Variants in SGSM2 observed in about 807,000 individuals in gnomAD.
SGSM2 encodes the protein small G protein signaling modulator 2, also known as RUN and TBC1 domain containing 1.
In SGSM2, 89 loss-of-function variants were observed where a neutral mutation model predicts 126.6. The ratio of observed to expected loss-of-function variants is 0.70; its 90% confidence interval spans 0.59 to 0.84. The LOEUF (loss-of-function observed/expected upper bound fraction) is 0.84, where lower values mean the gene tolerates loss of function less well. Ranked by LOEUF, SGSM2 falls within the 40% of genes least tolerant of loss-of-function variation. SGSM2 has a pLI of 0.00. For synonymous variants in SGSM2, 614 were observed against 574.3 expected, an observed-to-expected ratio of 1.07 and a Z score of -0.99; for missense variants, 1,404 against 1,416.6, an observed-to-expected ratio of 0.99 and a Z score of 0.14.
chr17:2,380,052 C>A lies in SGSM2; in HGVS notation c.*532C>A, dbSNP rs1176680094. 1.4e-6 allele frequency: 2 copies of A among 1,398,888 alleles called. No individual in the cohort carries two copies. The highest frequency in any genetic ancestry group is 3.0e-5 in the African/African-American group (2 of 67,392). The allele number at this position is 1,398,888 out of a possible 1,614,324, so 86.7% of individuals were successfully genotyped here. ...ACGTCACGGGTGCGGGAGACCCGGG[C>A]ACGGGAGACCCGGGCCGCCTTCAGG... On this transcript the variant is annotated 3_prime_UTR_variant, in exon 24 of 24. Transcript: ENST00000268989.
intron 2 of SGSM2, among the ~76,000 whole-genome samples, chr17:2,352,547 ACT>A (rs1036889559): frequency 3.9e-5 from 6 of 152,020 alleles, no homozygotes; most frequent in African/African-American, 1.4e-4. Flanking sequence ...AGTTGTGCTA[ACT>A]CTGTCCCTGT....
intron 2 of SGSM2, among the ~76,000 whole-genome samples, chr17:2,351,239 C>T (rs573144759): frequency 8.0e-5 from 12 of 150,508 alleles, no homozygotes; most frequent in African/African-American, 2.9e-4. Context: ...GGCAATAGAT[C>T]GAGACTCAGT....
At position 2,365,248 on chromosome 17, in the gene SGSM2, A is replaced by C; in HGVS notation, c.1195A>C (p.Ser399Arg). The change falls in exon 11 of 24, where the codon AGC becomes CGC. Residue 399 changes from serine (S) to arginine (R), a missense_variant. By Grantham distance (110) the Ser-to-Arg change is moderately radical. Coordinates refer to ENST00000268989, the MANE Select transcript of SGSM2 (RefSeq NM_014853.3). ...GTTCCCCAAGCTACGGAAACGAAGC[A>C]GCATTCGCTCCGTGGATATGGAGGA... ...KVFPKLRKRS[S>R]IRSVDMEEMG... 1 of 1,612,744 alleles carries C rather than the reference A, an allele frequency of 6.2e-7. No individual in the cohort carries two copies. The highest frequency in any genetic ancestry group is 8.5e-7 in the Non-Finnish European group (1 of 1,179,348).
chr17:2,352,204 A>G (rs1251714508), intron 2 of SGSM2, among the ~76,000 whole-genome samples: 3 of 152,188 alleles, frequency 2.0e-5, no homozygotes, highest in South Asian at 2.1e-4. Flanking sequence ...CTTTATCTCC[A>G]GGAAGGCTGC....
rs996437485 is a variant in SGSM2, at chr17:2,362,335, C to T, written c.458+65C>T. ...CGTTCCCCCCAAAACTGCAGGTGAC[C>T]GCCCCGTTCCCCAAAAACTGCAGGT... On this transcript the variant is annotated intron_variant, in intron 4 of 23. Coordinates refer to ENST00000268989, the MANE Select transcript of SGSM2 (RefSeq NM_014853.3). This position sits in a 1 kb window ranked among gnomAD's most constrained non-coding sequence, Gnocchi z 4.9. 1.5e-5 allele frequency: 22 copies of T among 1,510,006 alleles called. No individual in the cohort carries two copies. The highest frequency in any genetic ancestry group is 6.4e-5 in the Admixed American group (3 of 46,646). The allele number at this position is 1,510,006 out of a possible 1,614,324, so 93.5% of individuals were successfully genotyped here.
intron 2 of SGSM2, among the ~76,000 whole-genome samples, chr17:2,348,543 C>T (rs538701738): frequency 3.9e-5 from 6 of 152,176 alleles, no homozygotes; most frequent in Non-Finnish European, 7.4e-5. Flanking sequence ...TGGGGCATTG[C>T]GGAGGGCATA....
intron 2 of SGSM2, among the ~76,000 whole-genome samples, chr17:2,359,759 A>AT (rs2065235380): frequency 6.6e-6 from 1 of 152,154 alleles, no homozygotes; most frequent in Non-Finnish European, 1.5e-5. Flanking sequence ...ATGACTCATT[A>AT]TCCCGGCAAT....
At chr17:2,377,194 A>T in intron 21 of SGSM2, 126 bp downstream of exon 21, 1 of 663,950 alleles carries the variant, frequency 1.5e-6, no homozygotes, top group East Asian at 2.8e-5. Context: ...ATTTTAAAAG[A>T]CATGGTTTCA....
At position 2,372,925 on chromosome 17, in the gene SGSM2, C is replaced by T. The variant is rs1258619801; in HGVS notation, c.1789-28C>T. Reference sequence around the variant, plus strand: ...TGGGCCACGGTGACTGTGGAGGCTGCACAGTCTTGACTCCCCGGGTCCCTC... The same window carrying T: ...TGGGCCACGGTGACTGTGGAGGCTGTACAGTCTTGACTCCCCGGGTCCCTC... On this transcript the variant is annotated intron_variant, in intron 15 of 23. Coordinates refer to ENST00000268989, the MANE Select transcript of SGSM2 (RefSeq NM_014853.3). The surrounding 1 kb of genome is among the most constrained non-coding windows in gnomAD (Gnocchi z 6.0). 1 of 1,552,074 alleles carries T rather than the reference C, an allele frequency of 6.4e-7. No individual in the cohort carries two copies. Among genetic ancestry groups the T allele is most frequent in the Admixed American group, 2.0e-5 (1 of 51,206 alleles).
chr17:2,347,203 T>C (rs1325472382), intron 2 of SGSM2, among the ~76,000 whole-genome samples: 4 of 152,138 alleles, frequency 2.6e-5, no homozygotes, highest in Admixed American at 2.6e-4. Flanking sequence ...CCTCTCAGGT[T>C]CAAGCAATTC....
chr17:2,364,300 G>A (rs2065457357), intron 8 of SGSM2, 117 bp downstream of exon 8: 22 of 1,320,808 alleles, frequency 1.7e-5, no homozygotes, highest in South Asian at 3.9e-5. Flanking sequence ...TTATTTGGAC[G>A]CCAAGAATAG....
rs561299052 is a variant in SGSM2 at position 2,362,544 on chromosome 17, G to A, written c.458+274G>A. On this transcript the variant is annotated intron_variant, in intron 4 of 23. Coordinates refer to ENST00000268989, the MANE Select transcript of SGSM2 (RefSeq NM_014853.3). The surrounding 1 kb of genome is among the most constrained non-coding windows in gnomAD (Gnocchi z 4.9). ...CCCAAAAACTGCAGGTGACCGCCTC[G>A]TTCCCCAAGCAGCCCCTCCCTTGAC... Among the ~76,000 whole-genome samples, 1 of 151,702 alleles carries A rather than the reference G, an allele frequency of 6.6e-6. No individual in the cohort carries two copies. Among genetic ancestry groups the A allele is most frequent in the Admixed American group, 6.6e-5 (1 of 15,238 alleles).
Position 2,372,366 on chromosome 17 carries a change from T to C in SGSM2, c.1666T>C (p.Ser556Pro), listed in dbSNP as rs780010318. 6.3e-7 allele frequency: 1 copy of C among 1,591,156 alleles called. No homozygotes were observed. Among genetic ancestry groups the C allele is most frequent in the Non-Finnish European group, 8.5e-7 (1 of 1,169,650 alleles). ...AGGGCTGGCACACTGCCGCCACCTG[T>C]CCACGGTGCGGACCCACCTGTCGGC... Reference protein sequence around the residue: ...YGWLAHCRHLSTVRTHLSALV... With the variant: ...YGWLAHCRHLPTVRTHLSALV... Residue 556 changes from serine to proline, a missense_variant, in exon 15 of 24, where the codon TCC becomes CCC. Coordinates refer to ENST00000268989, the MANE Select transcript of SGSM2 (RefSeq NM_014853.3). The surrounding 1 kb of genome is among the most constrained non-coding windows in gnomAD (Gnocchi z 6.0).
At chr17:2,371,220 A>T (rs780444540) in intron 12 of SGSM2, 42 bp from the exon 13 acceptor site, 1 of 1,585,744 alleles carries the variant, frequency 6.3e-7, no homozygotes, top group Non-Finnish European at 8.5e-7. Flanking sequence ...CTGGGAGAGA[A>T]GGTGTCTCAG....
At chr17:2,373,233 T>A in intron 16 of SGSM2, 98 bp from the exon 17 acceptor site, 1 of 1,541,428 alleles carries the variant, frequency 6.5e-7, no homozygotes, top group Non-Finnish European at 8.8e-7. Context: ...CCGTCTTGAG[T>A]CTGAGACTCA....
chr17:2,373,478 C>T lies in SGSM2; in HGVS notation c.2065C>T (p.Arg689Cys), dbSNP rs558900741. Reference protein sequence around the residue: ...SGSSIDSHVQRLIHRDSTISN... With the variant: ...SGSSIDSHVQCLIHRDSTISN... The stretch of plus-strand genomic sequence containing the variant: ...CAGCAGCATCGACAGCCACGTGCAG[C>T]GCCTCATCCACCGAGACTCCACCAT... Residue 689 changes from arginine (R) to cysteine (C), a missense_variant, in exon 17 of 24, where the codon CGC becomes TGC. By Grantham distance (180) the Arg-to-Cys change is radical (BLOSUM62 -3). Coordinates refer to ENST00000268989, the MANE Select transcript of SGSM2 (RefSeq NM_014853.3). 46 of 1,595,604 alleles carry T rather than the reference C, an allele frequency of 2.9e-5. No homozygotes were observed. The highest frequency in any genetic ancestry group is 6.8e-5 in the Admixed American group (4 of 59,024).
Position 2,372,971 on chromosome 17 carries a change from C to T in SGSM2, c.1807C>T (p.Leu603=), listed in dbSNP as rs758653776. Residue 603 remains leucine (L), a synonymous_variant, in exon 16 of 24, where the codon CTG becomes TTG. Coordinates refer to ENST00000268989, the MANE Select transcript of SGSM2 (RefSeq NM_014853.3). This position sits in a 1 kb window ranked among gnomAD's most constrained non-coding sequence, Gnocchi z 6.0. ...CCCTCAGAACTACAAAGAGCTGGAG[C>T]TGCTGCGGCAAGTTTACTACGGAGG... The part of the protein sequence containing the change: ...KDKKNYKELE[L]LRQVYYGGIE... 3 of 1,571,186 alleles carry T rather than the reference C, an allele frequency of 1.9e-6. No individual in the cohort carries two copies. The highest frequency in any genetic ancestry group is 2.3e-5 in the South Asian group (2 of 85,868).
rs1567822894 is a variant in SGSM2 at position 2,362,509 on chromosome 17, C to CGCCCCGTTCCCCAAAAACTGCAGGTGACT, written c.458+267_458+268insTGCCCCGTTCCCCAAAAACTGCAGGTGAC. Among the ~76,000 whole-genome samples, 5 of 151,624 alleles carry CGCCCCGTTCCCCAAAAACTGCAGGTGACT rather than the reference C, an allele frequency of 3.3e-5. No individual in the cohort carries two copies. Among genetic ancestry groups the CGCCCCGTTCCCCAAAAACTGCAGGTGACT allele is most frequent in the Middle Eastern group, 3.2e-3 (1 of 314 alleles). ...CCGTTCCCCAAAAACTGCAGGTGAC[C>CGCCCCGTTCCCCAAAAACTGCAGGTGACT]GCCCCGTTCCCCAAAAACTGCAGGT... On this transcript the variant is annotated intron_variant, in intron 4 of 23. Transcript: ENST00000268989. The surrounding 1 kb of genome is among the most constrained non-coding windows in gnomAD (Gnocchi z 4.9).
chr17:2,380,286 G>C lies in SGSM2; in HGVS notation c.*766G>C, dbSNP rs1410433216. ...TTAGGTACTTCCCTGAAAACCACGT[G>C]TAAGAAGTGATGCTTTTGCCAGTGG... is the stretch of plus-strand genomic sequence containing the variant. On this transcript the variant is annotated 3_prime_UTR_variant, in exon 24 of 24. Transcript: ENST00000268989. 2 of 1,536,006 alleles carry C rather than the reference G, an allele frequency of 1.3e-6. No individual in the cohort carries two copies. The highest frequency in any genetic ancestry group is 1.7e-6 in the Non-Finnish European group (2 of 1,146,902).
Sources: gnomAD v4.1 joint callset for allele counts (sites outside exome capture counted in the v4.1 genomes callset) on GRCh38, gnomAD v4.1.1 for gene constraint, Gnocchi (gnomAD v3.1) non-coding constraint, MANE v1.5 for transcripts, NCBI Gene and HGNC (gene_info 2026-07-23, HGNC 2026-07-21) for gene names.